Variants in ASIC2 observed in about 807,000 individuals in gnomAD.
The protein encoded by ASIC2 is acid sensing ion channel subunit 2.
Under a neutral mutation model 57.3 loss-of-function variants are expected in ASIC2, and 25 were observed. The ratio of observed to expected loss-of-function variants is 0.44; its 90% CI spans 0.32 to 0.61. The LOEUF (loss-of-function observed/expected upper bound fraction) is 0.61. Ranked by LOEUF, ASIC2 falls within the 20% of genes least tolerant of loss-of-function variation. The pLI is 0.06. For synonymous variants in ASIC2, 319 were observed against 307.5 expected, an observed-to-expected ratio of 1.04 and a Z score of -0.39; for missense variants, 641 against 738.1, an observed-to-expected ratio of 0.87 and a Z score of 1.52.
intron 1 of ASIC2, among the ~76,000 whole-genome samples, chr17:33,821,703 A>G (rs1486938610): frequency 6.6e-6 from 1 of 152,214 alleles, no homozygotes; most frequent in Non-Finnish European, 1.5e-5. Context: ...CAGTCCTGAA[A>G]CAGATTCATC....
intron 1 of ASIC2, among the ~76,000 whole-genome samples, chr17:33,862,033 C>T (rs1771868304): frequency 6.6e-6 from 1 of 152,186 alleles, no homozygotes; most frequent in South Asian, 2.1e-4. Context: ...ATACTGTCTG[C>T]TCTCTGAACA....
chr17:33,163,603 C>T (rs1905223890), intron 1 of ASIC2, among the ~76,000 whole-genome samples: 1 of 152,100 alleles, frequency 6.6e-6, no homozygotes, highest in African/African-American at 2.4e-5. Context: ...ATCCATTCAA[C>T]AAGTGTTCGT....
At chr17:33,139,844 G>A (rs1224830359) in intron 1 of ASIC2, among the ~76,000 whole-genome samples, 1 of 152,210 alleles carries the variant, frequency 6.6e-6, no homozygotes, top group Non-Finnish European at 1.5e-5. Context: ...AGAAATGAGT[G>A]TCAGCCTGGG....
At chr17:33,842,269 A>G (rs900124474) in intron 1 of ASIC2, among the ~76,000 whole-genome samples, 7 of 152,134 alleles carry the variant, frequency 4.6e-5, no homozygotes, top group African/African-American at 1.4e-4. Context: ...CCCATGTTCC[A>G]TGGGATGGGA....
At chr17:33,145,341 G>A (rs570719790) in intron 1 of ASIC2, among the ~76,000 whole-genome samples, 19 of 152,152 alleles carry the variant, frequency 1.2e-4, no homozygotes, top group Non-Finnish European at 2.2e-4. Context: ...CATGCACCTC[G>A]TCCTCTGGGC....
intron 1 of ASIC2, among the ~76,000 whole-genome samples, chr17:34,065,148 TG>T (rs754065752): frequency 6.6e-6 from 1 of 152,112 alleles, no homozygotes; most frequent in Non-Finnish European, 1.5e-5. Context: ...AAACAAAGAC[TG>T]GATAAAGAAA....
chr17:33,243,510 G>A (rs1192360021), intron 1 of ASIC2, among the ~76,000 whole-genome samples: 1 of 152,060 alleles, frequency 6.6e-6, no homozygotes, highest in African/African-American at 2.4e-5. Flanking sequence ...GGAACTTGGA[G>A]CTTCAAAGAA....
intron 1 of ASIC2, among the ~76,000 whole-genome samples, chr17:34,052,089 C>A (rs1908590469): frequency 6.6e-6 from 1 of 152,140 alleles, no homozygotes; most frequent in African/African-American, 2.4e-5. Flanking sequence ...CCATCCATCC[C>A]TCCATCCATC....
At chr17:33,216,384 G>C (rs1360104691) in intron 1 of ASIC2, among the ~76,000 whole-genome samples, 1 of 152,228 alleles carries the variant, frequency 6.6e-6, no homozygotes, top group Non-Finnish European at 1.5e-5. Context: ...GTTTGCAAGT[G>C]GCCCACAGTC....
chr17:33,141,000 C>T (rs2092385576), intron 1 of ASIC2, among the ~76,000 whole-genome samples: 1 of 152,244 alleles, frequency 6.6e-6, no homozygotes, highest in Non-Finnish European at 1.5e-5. Context: ...ACACAGTGGG[C>T]TCCTGCAGAG....
At chr17:34,134,441 A>T (rs749802973) in intron 1 of ASIC2, among the ~76,000 whole-genome samples, 26 of 152,168 alleles carry the variant, frequency 1.7e-4, no homozygotes, top group Non-Finnish European at 3.7e-4. Flanking sequence ...CCTGTCCCCA[A>T]GAGAAATAAT....
chr17:33,111,726 A>C (rs2092258855), intron 2 of ASIC2, 191 bp downstream of exon 2: 7 of 649,450 alleles, frequency 1.1e-5, no homozygotes, highest in Non-Finnish European at 1.7e-5. Flanking sequence ...TCTCTCACAT[A>C]GTAAAAGGTG....
At chr17:33,576,982 T>G (rs750522638) in intron 1 of ASIC2, among the ~76,000 whole-genome samples, 1 of 152,226 alleles carries the variant, frequency 6.6e-6, no homozygotes, top group Non-Finnish European at 1.5e-5. Context: ...GGGCCTGACA[T>G]ATAGTATGTT....
chr17:33,929,534 T>C (rs1915888475), intron 1 of ASIC2, among the ~76,000 whole-genome samples: 1 of 152,196 alleles, frequency 6.6e-6, no homozygotes, highest in Admixed American at 6.5e-5. Context: ...CCTGCTGAGA[T>C]CCCCACTTAC....
chr17:33,322,810 C>T (rs371062289), intron 1 of ASIC2, among the ~76,000 whole-genome samples: 20 of 151,950 alleles, frequency 1.3e-4, no homozygotes, highest in African/African-American at 4.3e-4. Flanking sequence ...GGAGGCTTCT[C>T]GGAGGAGGCT....
At chr17:34,040,126 CCGGGCCCGGGCGGCCA>C (rs1389189128) in intron 1 of ASIC2, among the ~76,000 whole-genome samples, 1 of 103,138 alleles carries the variant, frequency 9.7e-6, no homozygotes, top group Non-Finnish European at 1.8e-5. Flanking sequence ...CGACGCGGCC[CCGGGCCCGGGCGGCCA>C]CGGGACCGGC....
chr17:34,085,832 G>A (rs892894260), intron 1 of ASIC2, among the ~76,000 whole-genome samples: 7 of 152,104 alleles, frequency 4.6e-5, no homozygotes, highest in Non-Finnish European at 8.8e-5. Context: ...GTGTAGAGGT[G>A]TTTGTAGTAT....
intron 9 of ASIC2, 24 bp from the exon 10 acceptor site, chr17:33,014,090 G>A (rs762104960): frequency 1.3e-6 from 2 of 1,550,556 alleles, no homozygotes; most frequent in South Asian, 1.2e-5. Flanking sequence ...GTTGGTGGGA[G>A]TTTATTATTC....
intron 1 of ASIC2, among the ~76,000 whole-genome samples, chr17:33,908,066 C>T (rs753699604): frequency 6.6e-6 from 1 of 152,178 alleles, no homozygotes; most frequent in Admixed American, 6.5e-5. Context: ...GGAGAAATTT[C>T]CCATTATCTT....
Sources: allele counts gnomAD v4.1 joint callset (sites outside exome capture counted in the v4.1 genomes callset), GRCh38; gene constraint gnomAD v4.1.1; transcripts MANE v1.5; gene names NCBI Gene and HGNC (gene_info 2026-07-23, HGNC 2026-07-21).